The following SCLT1 variants were observed in gnomAD, a reference collection of about 807,000 sequenced individuals.
The protein encoded by SCLT1 is sodium channel and clathrin linker 1.
SCLT1 carries 78 observed loss-of-function variants against 112.8 expected under a neutral mutation model. The ratio of observed to expected loss-of-function variants is 0.69; its 90% CI spans 0.58 to 0.83. The LOEUF is 0.83. Among genes scored for constraint, SCLT1 ranks in the 40% least tolerant of loss-of-function variants. The pLI, the probability that SCLT1 is intolerant of heterozygous loss-of-function variation, is 0.00. For synonymous variants in SCLT1, 257 were observed against 254.7 expected (o/e 1.01, Z -0.09); for missense variants, 747 against 770.4 (o/e 0.97, Z 0.36).
chr4:128,987,558 C>T (rs1344860790), intron 9 of SCLT1, among the ~76,000 whole-genome samples: 1 of 152,004 alleles, frequency 6.6e-6, no homozygotes, highest in Non-Finnish European at 1.5e-5. Context: ...CATTGAAAAA[C>T]TGACAAATGC....
At chr4:128,888,066 G>A (rs780508129) in intron 20 of SCLT1, among the ~76,000 whole-genome samples, 1 of 152,140 alleles carries the variant, frequency 6.6e-6, no homozygotes, top group Non-Finnish European at 1.5e-5. Flanking sequence ...GATAGCCCTA[G>A]CTACATACAG....
chr4:128,896,858 C>T (rs1313496276), intron 18 of SCLT1, among the ~76,000 whole-genome samples: 2 of 151,878 alleles, frequency 1.3e-5, no homozygotes, highest in Non-Finnish European at 1.5e-5. Context: ...AGCCAAGGCT[C>T]GAGAACTACC....
intron 1 of SCLT1, among the ~76,000 whole-genome samples, chr4:129,086,335 A>G (rs1042224793): frequency 2.0e-5 from 3 of 151,442 alleles, no homozygotes; most frequent in Non-Finnish European, 4.4e-5. Flanking sequence ...ATATATATAT[A>G]TACACACACA....
At chr4:129,072,334 G>T (rs1751087778) in intron 2 of SCLT1, among the ~76,000 whole-genome samples, 1 of 152,128 alleles carries the variant, frequency 6.6e-6, no homozygotes, top group Non-Finnish European at 1.5e-5. Context: ...TGTGCTTCTT[G>T]TATTTGGATG....
At chr4:129,090,127 A>G (rs754334117) in intron 1 of SCLT1, among the ~76,000 whole-genome samples, 3 of 152,242 alleles carry the variant, frequency 2.0e-5, no homozygotes, top group Non-Finnish European at 2.9e-5. Context: ...GCATAAATCT[A>G]ACAAAAGATG....
chr4:128,995,213 TAA>T (rs1742909006), intron 8 of SCLT1, among the ~76,000 whole-genome samples: 1 of 152,172 alleles, frequency 6.6e-6, no homozygotes, highest in Non-Finnish European at 1.5e-5. Context: ...TTGTGTAAGA[TAA>T]GAGTCCAAAA....
chr4:128,955,340 A>G (rs890153137), intron 13 of SCLT1, among the ~76,000 whole-genome samples: 4 of 152,224 alleles, frequency 2.6e-5, no homozygotes, highest in African/African-American at 4.8e-5. Context: ...ACCAAATAGT[A>G]AGATAAACTA....
intron 2 of SCLT1, among the ~76,000 whole-genome samples, chr4:129,072,773 A>G (rs879417514): frequency 1.3e-5 from 2 of 151,918 alleles, no homozygotes; most frequent in Non-Finnish European, 2.9e-5. Flanking sequence ...GATTAGCTTA[A>G]TAACTAAACT....
chr4:129,071,753 G>A (rs892317540), intron 2 of SCLT1, among the ~76,000 whole-genome samples: 1 of 152,106 alleles, frequency 6.6e-6, no homozygotes, highest in Non-Finnish European at 1.5e-5. Flanking sequence ...TATCCATTCT[G>A]CAGTTTTGTA....
At position 128,900,205 on chromosome 4, in the gene SCLT1, G is replaced by A. The variant is rs1427826260; in HGVS notation, c.1830-9068C>T. Among the ~76,000 whole-genome samples the A allele has an allele frequency of 1.2e-4, 19 of 152,262 alleles. No homozygotes were observed. In the East Asian group the frequency reaches 3.5e-3, roughly 28 times the overall value. ...AAGTTCATATGGAACCAAAAAAAGAGCCTGCATCGCCAAGTCAATCCTAAG... is the reference window on the plus strand; with the variant it reads ...AAGTTCATATGGAACCAAAAAAAGAACCTGCATCGCCAAGTCAATCCTAAG... On this transcript the variant is annotated intron_variant, in intron 18 of 20. Transcript: ENST00000281142.
At chr4:129,023,861 A>G (rs2126127744) in intron 5 of SCLT1, among the ~76,000 whole-genome samples, 1 of 152,368 alleles carries the variant, frequency 6.6e-6, no homozygotes, top group South Asian at 2.1e-4. Context: ...CGACGGGCTT[A>G]GAAAATGGCA....
intron 18 of SCLT1, among the ~76,000 whole-genome samples, chr4:128,910,303 T>C (rs958900073): frequency 6.6e-6 from 1 of 152,230 alleles, no homozygotes; most frequent in African/African-American, 2.4e-5. Context: ...GCCAATTTGC[T>C]GGGTAAAAAT....
intron 5 of SCLT1, among the ~76,000 whole-genome samples, chr4:129,019,680 A>C (rs1185094629): frequency 2.0e-5 from 3 of 151,538 alleles, no homozygotes. Context: ...AAAAAAAACC[A>C]TTCTAGACAA....
chr4:128,936,155 G>A (rs1227754687), intron 18 of SCLT1, among the ~76,000 whole-genome samples: 1 of 150,902 alleles, frequency 6.6e-6, no homozygotes, highest in African/African-American at 2.4e-5. Flanking sequence ...AGTAGTTTTA[G>A]GTTTACTATA....
At chr4:128,918,424 C>T (rs562265192) in intron 18 of SCLT1, among the ~76,000 whole-genome samples, 3 of 152,068 alleles carry the variant, frequency 2.0e-5, no homozygotes, top group Non-Finnish European at 2.9e-5. Flanking sequence ...AATCAACCAA[C>T]CTGAGGAAAG....
chr4:129,040,796 C>G (rs1238463472), intron 4 of SCLT1, among the ~76,000 whole-genome samples: 1 of 152,102 alleles, frequency 6.6e-6, no homozygotes, highest in Non-Finnish European at 1.5e-5. Context: ...AAGAACTAAT[C>G]CTTCTAATCA....
At chr4:128,955,094 T>C (rs539568249) in intron 13 of SCLT1, among the ~76,000 whole-genome samples, 27 of 152,334 alleles carry the variant, frequency 1.8e-4, no homozygotes, top group African/African-American at 6.3e-4. Flanking sequence ...ACACTGATGG[T>C]ATATCATACG....
At chr4:129,067,279 T>C (rs904506654) in intron 2 of SCLT1, among the ~76,000 whole-genome samples, 1 of 151,910 alleles carries the variant, frequency 6.6e-6, no homozygotes, top group Non-Finnish European at 1.5e-5. Flanking sequence ...AATGTATATA[T>C]TATAAGCATT....
intron 2 of SCLT1, among the ~76,000 whole-genome samples, chr4:129,060,011 T>C (rs1409122729): frequency 6.6e-6 from 1 of 152,216 alleles, no homozygotes; most frequent in Admixed American, 6.5e-5. Flanking sequence ...TGGTGTTCCA[T>C]AAGTACTGTA....
Sources: gnomAD v4.1 joint callset for allele counts (sites outside exome capture counted in the v4.1 genomes callset) on GRCh38, gnomAD v4.1.1 for gene constraint, MANE v1.5 for transcripts, NCBI Gene and HGNC (gene_info 2026-07-23, HGNC 2026-07-21) for gene names.